ERMP1: variants seen among roughly 807,000 people sequenced by gnomAD.
ERMP1 encodes the protein endoplasmic reticulum metallopeptidase 1.
Under a neutral mutation model 92.0 loss-of-function variants are expected in ERMP1, and 86 were observed. That is an observed-to-expected ratio of 0.93 (90% confidence interval 0.79 to 1.12). The LOEUF (loss-of-function observed/expected upper bound fraction) is 1.12, where lower values mean the gene tolerates loss of function less well. Among genes scored for constraint, ERMP1 ranks in the 50% most tolerant of loss-of-function variants. The pLI, the probability that ERMP1 is intolerant of heterozygous loss-of-function variation, is 0.00. For missense variants in ERMP1, 1,342 were observed against 1,116.3 expected (o/e 1.20, Z -2.88); for synonymous variants, 530 against 412.8 (o/e 1.28, Z -3.44).
At chr9:5,835,352 G>A (rs1038585669), upstream of ERMP1, among the ~76,000 whole-genome samples, 14 of 151,688 alleles carry the variant, frequency 9.2e-5, no homozygotes, top group African/African-American at 1.5e-4. Context: ...GACAATGAAC[G>A]CGCGCGCGCA....
chr9:5,818,500 A>C (rs867153282), intron 4 of ERMP1, among the ~76,000 whole-genome samples: 9 of 152,136 alleles, frequency 5.9e-5, no homozygotes, highest in Admixed American at 2.6e-4. Flanking sequence ...AAGACTGCTT[A>C]AGTCCAGAAG....
At chr9:5,846,539 T>A (rs995705015) in intron 6 of ERMP1, among the ~76,000 whole-genome samples, 1 of 152,250 alleles carries the variant, frequency 6.6e-6, no homozygotes, top group Non-Finnish European at 1.5e-5. Context: ...CCTGTGATTA[T>A]GTCAGATAGA....
intron 6 of ERMP1, among the ~76,000 whole-genome samples, chr9:5,842,016 A>C (rs1461449857): frequency 1.3e-5 from 2 of 152,152 alleles, no homozygotes; most frequent in East Asian, 3.8e-4. Context: ...TCAGGAGTAA[A>C]GCTGCAGACA....
At chr9:5,833,865 G>A (rs181082400), upstream of ERMP1, among the ~76,000 whole-genome samples, 8 of 152,240 alleles carry the variant, frequency 5.3e-5, no homozygotes, top group East Asian at 7.7e-4. Flanking sequence ...TCTCTGGGGC[G>A]GTTAAGCAGC....
At chr9:5,823,829 T>C in intron 4 of ERMP1, 67 bp downstream of exon 4, 1 of 1,044,486 alleles carries the variant, frequency 9.6e-7, no homozygotes, top group South Asian at 1.4e-5. Flanking sequence ...TTATTTATAA[T>C]CAAAAACTTT....
At chr9:5,789,596 G>C (rs758783657) in intron 13 of ERMP1, among the ~76,000 whole-genome samples, 1 of 152,218 alleles carries the variant, frequency 6.6e-6, no homozygotes. Context: ...CTAGGTTCGA[G>C]TGCAGTGGTG....
intron 8 of ERMP1, among the ~76,000 whole-genome samples, chr9:5,808,652 C>T (rs1828961746): frequency 6.6e-6 from 1 of 152,192 alleles, no homozygotes; most frequent in Non-Finnish European, 1.5e-5. Context: ...AAAGATCTTC[C>T]TCTTTAATTC....
chr9:5,814,049 T>A (rs1210942207), intron 4 of ERMP1, among the ~76,000 whole-genome samples: 1 of 152,146 alleles, frequency 6.6e-6, no homozygotes, highest in Admixed American at 6.6e-5. Flanking sequence ...CGTGGCTACA[T>A]GACTTGCTCT....
chr9:5,810,047 T>C lies in ERMP1; in HGVS notation c.1512A>G (p.Ile504Met), dbSNP rs757428065. 9 of 1,612,950 alleles carry C rather than the reference T, an allele frequency of 5.6e-6. No homozygotes were observed. The Admixed American group carries it at 6.7e-5, about 12-fold the overall frequency. Residue 504 changes from isoleucine (I) to methionine (M), a missense_variant, in exon 8 of 15, where the codon ATA becomes ATG. Physicochemically the swap from Ile to Met is conservative, Grantham distance 10. Transcript: ENST00000339450. ...ATCTTTTCGCAAGAGTATGTATAAGTATTATTTTGGCTACAGTTGCAGTTC... is the reference window on the plus strand; with the variant it reads ...ATCTTTTCGCAAGAGTATGTATAAGCATTATTTTGGCTACAGTTGCAGTTC... ...LYGTATVAKI[I>M]LIHTLAKRFY...
intron 6 of ERMP1, among the ~76,000 whole-genome samples, chr9:5,843,828 C>CA (rs1448763406): frequency 6.6e-6 from 1 of 152,198 alleles, no homozygotes; most frequent in Non-Finnish European, 1.5e-5. Flanking sequence ...TTGTAAAACT[C>CA]AAAGGCAGAG....
upstream of ERMP1, among the ~76,000 whole-genome samples, chr9:5,834,243 T>G (rs938099753): frequency 6.6e-6 from 1 of 152,204 alleles, no homozygotes; most frequent in African/African-American, 2.4e-5. Context: ...TGTTCTTCTC[T>G]CTCCTCATTG....
chr9:5,814,654 T>G (rs970510317), intron 4 of ERMP1, among the ~76,000 whole-genome samples: 2 of 152,098 alleles, frequency 1.3e-5, no homozygotes, highest in Non-Finnish European at 2.9e-5. Context: ...TGCTTAGACC[T>G]GTGAGGTGAA....
chr9:5,864,247 C>T (rs1830584699), intron 5 of ERMP1, among the ~76,000 whole-genome samples: 1 of 152,190 alleles, frequency 6.6e-6, no homozygotes, highest in African/African-American at 2.4e-5. Flanking sequence ...GAAATAGGAT[C>T]TCTGGGTGAG....
chr9:5,828,683 T>C (rs138585642), intron 2 of ERMP1, among the ~76,000 whole-genome samples: 3 of 152,342 alleles, frequency 2.0e-5, no homozygotes, highest in African/African-American at 4.8e-5. Context: ...CCCATGTACA[T>C]GAAGTGCATG....
chr9:5,834,348 T>A (rs549755330), upstream of ERMP1, among the ~76,000 whole-genome samples: 1 of 152,214 alleles, frequency 6.6e-6, no homozygotes, highest in Non-Finnish European at 1.5e-5. Flanking sequence ...TTCCCCTATT[T>A]GTAGGATCTC....
chr9:5,844,621 T>C (rs1021755172), intron 6 of ERMP1, among the ~76,000 whole-genome samples: 2 of 152,208 alleles, frequency 1.3e-5, no homozygotes, highest in African/African-American at 4.8e-5. Flanking sequence ...AAAGAGAAAC[T>C]TCTGCCGTCA....
intron 5 of ERMP1, among the ~76,000 whole-genome samples, chr9:5,865,060 T>C (rs1259617137): frequency 2.0e-5 from 3 of 152,188 alleles, no homozygotes; most frequent in Admixed American, 2.0e-4. Flanking sequence ...AGAAATGCGG[T>C]AGTAAATTAT....
chr9:5,794,230 T>A, intron 13 of ERMP1, among the ~76,000 whole-genome samples: 1 of 152,242 alleles, frequency 6.6e-6, no homozygotes, highest in Middle Eastern at 3.4e-3. Context: ...AATTTTTAAA[T>A]ACTTGAAACT....
At chr9:5,801,456 A>G (rs1035163505) in intron 10 of ERMP1, 128 bp from the exon 11 acceptor site, 23 of 765,018 alleles carry the variant, frequency 3.0e-5, no homozygotes, top group Non-Finnish European at 4.7e-5. Context: ...AGCAGGTGCT[A>G]GCATACTCTA....
Sources: gnomAD v4.1 joint callset for allele counts (sites outside exome capture counted in the v4.1 genomes callset) on GRCh38, gnomAD v4.1.1 for gene constraint, MANE v1.5 for transcripts, NCBI Gene and HGNC (gene_info 2026-07-23, HGNC 2026-07-21) for gene names.